The following RPGRIP1 variants were observed in gnomAD, a reference collection of about 807,000 sequenced individuals.
The protein encoded by RPGRIP1 is RPGR interacting protein 1.
A neutral mutation model predicts 157.9 loss-of-function variants in RPGRIP1; 128 were observed. That is an observed-to-expected ratio of 0.81 (90% CI 0.70 to 0.94). The LOEUF (loss-of-function observed/expected upper bound fraction) is 0.94. Ranked by LOEUF, RPGRIP1 falls within the 40% of genes least tolerant of loss-of-function variation. RPGRIP1 has a pLI of 0.00. For missense variants in RPGRIP1, 1,486 were observed against 1,545.8 expected (o/e 0.96, Z 0.65); for synonymous variants, 554 against 571.6 (o/e 0.97, Z 0.44).
At chr14:21,346,774 C>T (rs1453935677) in intron 23 of RPGRIP1, among the ~76,000 whole-genome samples, 1 of 152,192 alleles carries the variant, frequency 6.6e-6, no homozygotes, top group African/African-American at 2.4e-5. Context: ...TGGGCTGAAG[C>T]AGTCCTCCTG....
intron 23 of RPGRIP1, among the ~76,000 whole-genome samples, chr14:21,346,389 A>C (rs1054479361): frequency 2.0e-5 from 3 of 152,028 alleles, no homozygotes; most frequent in African/African-American, 7.2e-5. Flanking sequence ...ATCTCTACTA[A>C]AAACACAAAA....
chr14:21,350,488 C>CTGATCATTA (rs1886134506), intron 24 of RPGRIP1, among the ~76,000 whole-genome samples: 1 of 151,784 alleles, frequency 6.6e-6, no homozygotes, highest in Non-Finnish European at 1.5e-5. Flanking sequence ...ATTATTCTTA[C>CTGATCATTA]TGATCATTAT....
At chr14:21,317,474 A>G in intron 10 of RPGRIP1, 1 of 1,134,466 alleles carries the variant, frequency 8.8e-7, no homozygotes, top group Non-Finnish European at 1.2e-6. Context: ...GCTCAGTCAG[A>G]TATCTGAGAC....
chr14:21,340,900 G>A (rs934718832), intron 21 of RPGRIP1, among the ~76,000 whole-genome samples: 3 of 151,690 alleles, frequency 2.0e-5, no homozygotes, highest in Admixed American at 6.6e-5. Flanking sequence ...AAAAGCTAGT[G>A]AAACCCGCTA....
intron 13 of RPGRIP1, 100 bp downstream of exon 13, chr14:21,321,502 A>G (rs2139209533): frequency 6.6e-7 from 1 of 1,513,140 alleles, no homozygotes; most frequent in Admixed American, 2.3e-5. Context: ...CAGGGCTGAT[A>G]CCAGGTGATG....
intron 15 of RPGRIP1, 49 bp downstream of exon 15, chr14:21,325,119 C>T: frequency 6.4e-7 from 1 of 1,557,092 alleles, no homozygotes; most frequent in Non-Finnish European, 8.7e-7. Flanking sequence ...TGCAGAATTT[C>T]CCAAAGCCTA....
intron 6 of RPGRIP1, among the ~76,000 whole-genome samples, chr14:21,307,252 C>T (rs1429218074): frequency 6.6e-6 from 1 of 152,110 alleles, no homozygotes; most frequent in Non-Finnish European, 1.5e-5. Flanking sequence ...CAAGGTTTTG[C>T]CATGTTGCCC....
chr14:21,282,605 ATTTTTTTTTTT>A (rs35939351), intron 1 of RPGRIP1, among the ~76,000 whole-genome samples: 2 of 103,238 alleles, frequency 1.9e-5, no homozygotes, highest in African/African-American at 7.8e-5. Flanking sequence ...TCTACATTCC[ATTTTTTTTTTT>A]TTTTTTTTTT....
chr14:21,351,112 C>G lies in RPGRIP1; in HGVS notation c.3757C>G (p.Pro1253Ala). ...ILEQELDIVS[P>A]EDLATPIGRL... ...TTTCCCTTTCCCAACAGTTGTTAGC[C>G]CTGAAGATCTGGCTACCCCAATAGG... Residue 1253 changes from proline (P) to alanine (A), a missense_variant, in exon 25 of 25, where the codon CCT becomes GCT. Physicochemically the swap from Pro to Ala is conservative, Grantham distance 27 (BLOSUM62 -1). Coordinates refer to ENST00000400017, the MANE Select transcript of RPGRIP1 (RefSeq NM_020366.4). 1 of 1,604,254 alleles carries G rather than the reference C, an allele frequency of 6.2e-7. No individual in the cohort carries two copies. The highest frequency in any genetic ancestry group is 8.5e-7 in the Non-Finnish European group (1 of 1,173,610).
Position 21,324,962 on chromosome 14 carries a change from A to AC in RPGRIP1, c.2107_2108insC (p.Ile703ThrfsTer8), listed in dbSNP as rs748158406. ...TCAAGAGGCTTCAGCCCGGCTTGAC[A>AC]TACACCAGGCCATGGCCAGTGAACA... On this transcript the variant is annotated frameshift_variant, in exon 15 of 25. Transcript: ENST00000400017. LOFTEE classifies it high-confidence loss of function. 1.2e-6 allele frequency: 2 copies of AC among 1,614,026 alleles called. No individual in the cohort carries two copies. The highest frequency in any genetic ancestry group is 1.7e-6 in the Non-Finnish European group (2 of 1,179,890).
intron 21 of RPGRIP1, among the ~76,000 whole-genome samples, chr14:21,335,040 C>T: frequency 9.5e-6 from 1 of 105,578 alleles, no homozygotes; most frequent in East Asian, 2.7e-4. Context: ...GAGCAAAACT[C>T]TGTCTCAAAA....
At chr14:21,309,190 A>G (rs1881444213) in intron 7 of RPGRIP1, among the ~76,000 whole-genome samples, 2 of 152,208 alleles carry the variant, frequency 1.3e-5, no homozygotes. Context: ...AATTATTTTT[A>G]ATAACTCCTT....
chr14:21,306,164 C>G (rs1304546646), intron 6 of RPGRIP1, among the ~76,000 whole-genome samples: 11 of 96,312 alleles, frequency 1.1e-4, no homozygotes, highest in African/African-American at 4.1e-4. Flanking sequence ...CAGAGTCTCA[C>G]TTTGTTGCCC....
At chr14:21,294,307 G>T (rs1188962326) in intron 2 of RPGRIP1, among the ~76,000 whole-genome samples, 2 of 150,490 alleles carry the variant, frequency 1.3e-5, no homozygotes, top group African/African-American at 2.4e-5. Context: ...CTCGGCTCAT[G>T]GCAACCTCTG....
At position 21,301,704 on chromosome 14, in the gene RPGRIP1, T is replaced by TAAC. The variant is rs1261789983; in HGVS notation, c.490+469_490+470insCAA. Among the ~76,000 whole-genome samples the TAAC allele has an allele frequency of 3.2e-4, 37 of 117,034 alleles. 1 individual carries two copies. In the Admixed American group the frequency reaches 3.3e-3, roughly 10 times the overall value. The allele number at this position is 117,034 out of a possible 152,430, so 76.8% of individuals were successfully genotyped here. A position where few individuals can be genotyped will look rare whatever the true frequency, so the allele number is the denominator to read the frequency against. On this transcript the variant is annotated intron_variant, in intron 4 of 24. Coordinates refer to ENST00000400017, the MANE Select transcript of RPGRIP1 (RefSeq NM_020366.4). ...ATAATAATAATAATAATAATAATAATAATAATAATAATAATAATAAAAAAT... is the reference window on the plus strand; with the variant it reads ...ATAATAATAATAATAATAATAATAATAACAATAATAATAATAATAATAAAAAAT...
chr14:21,318,865 T>G (rs1276610100), intron 11 of RPGRIP1, among the ~76,000 whole-genome samples: 1 of 152,042 alleles, frequency 6.6e-6, no homozygotes, highest in Non-Finnish European at 1.5e-5. Context: ...GCCATCCAAT[T>G]CTTGAAATTG....
chr14:21,297,047 G>C (rs1396477477), intron 3 of RPGRIP1, among the ~76,000 whole-genome samples: 2 of 151,946 alleles, frequency 1.3e-5, no homozygotes, highest in Admixed American at 6.6e-5. Flanking sequence ...AGTTGCCTGA[G>C]ATCATACCTA....
At chr14:21,332,778 ATTG>A (rs1304245874) in intron 20 of RPGRIP1, among the ~76,000 whole-genome samples, 1 of 152,138 alleles carries the variant, frequency 6.6e-6, no homozygotes, top group Non-Finnish European at 1.5e-5. Flanking sequence ...ATTGTTAGTT[ATTG>A]TTTTAATATC....
Position 21,307,722 on chromosome 14 carries a change from T to G in RPGRIP1, c.801-9T>G. The G allele has an allele frequency of 6.5e-7, 1 of 1,527,706 alleles. No individual in the cohort carries two copies. 94.6% of individuals were successfully genotyped at this position (1,527,706 alleles called of 1,614,324 possible). ...TTCAGACAGAATAATTTAGCGCCTT[T>G]CTCTGCAGAGCTTCCATTAAAGAGA... On this transcript the variant is annotated splice_polypyrimidine_tract_variant and intron_variant, in intron 6 of 24. Coordinates refer to ENST00000400017, the MANE Select transcript of RPGRIP1 (RefSeq NM_020366.4).
Sources: gnomAD v4.1 joint callset for allele counts (sites outside exome capture counted in the v4.1 genomes callset) on GRCh38, gnomAD v4.1.1 for gene constraint, MANE v1.5 for transcripts, NCBI Gene and HGNC (gene_info 2026-07-23, HGNC 2026-07-21) for gene names.